Variants in PPP4R4 observed in about 807,000 individuals in gnomAD.
The protein encoded by PPP4R4 is serine/threonine-protein phosphatase 4 regulatory subunit 4.
PPP4R4 carries 70 observed loss-of-function variants against 121.8 expected under a neutral mutation model. The observed-to-expected ratio is 0.57, with a 90% CI of 0.47 to 0.70. PPP4R4 has a LOEUF of 0.70. PPP4R4 is among the 30% of genes least tolerant of loss of function. The probability of loss-of-function intolerance (pLI) is 0.00; values close to 1 mark genes in which losing one functional copy is unlikely to be tolerated. For missense variants in PPP4R4, 875 were observed against 1,033.6 expected (o/e 0.85, Z 2.10); for synonymous variants, 348 against 355.7 (o/e 0.98, Z 0.24).
At chr14:94,265,102 T>C (rs1393542224) in intron 20 of PPP4R4, among the ~76,000 whole-genome samples, 155 bp downstream of exon 20, 11 of 152,204 alleles carry the variant, frequency 7.2e-5, no homozygotes, top group Non-Finnish European at 1.6e-4. Flanking sequence ...GGCCACTTAA[T>C]GTGGTACAGA....
intron 6 of PPP4R4, 96 bp from the exon 7 acceptor site, chr14:94,234,463 GTTA>G (rs1892217248): frequency 2.8e-6 from 2 of 713,806 alleles, no homozygotes; most frequent in Middle Eastern, 2.6e-4. Context: ...AAGTACATTT[GTTA>G]TTATTAAGGT....
At chr14:94,216,163 C>A (rs1013359311) in intron 3 of PPP4R4, among the ~76,000 whole-genome samples, 1 of 152,154 alleles carries the variant, frequency 6.6e-6, no homozygotes, top group Non-Finnish European at 1.5e-5. Flanking sequence ...CAAAGCAATC[C>A]GTTTCACTTC....
rs142423588 is a variant in PPP4R4 at position 94,218,385 on chromosome 14, G to GCA, written c.294+9835_294+9836dup. On this transcript the variant is annotated intron_variant, in intron 3 of 24. Coordinates refer to ENST00000304338, the MANE Select transcript of PPP4R4 (RefSeq NM_058237.2). ...TCACCCCTAGACACCGCACGCGCGT[G>GCA]CACACACACACACACACCTCCTCAC... Among the ~76,000 whole-genome samples the GCA allele has an allele frequency of 2.6e-3, 240 of 92,758 alleles. 3 individuals are homozygous for GCA. In the South Asian group the frequency reaches 0.035, roughly 14 times the overall value. The allele number at this position is 92,758 out of a possible 152,430, so 60.9% of individuals were successfully genotyped here. A position where few individuals can be genotyped will look rare whatever the true frequency, so the allele number is the denominator to read the frequency against.
At position 94,230,846 on chromosome 14, in the gene PPP4R4, T is replaced by C. The variant is rs1891991759; in HGVS notation, c.442+112T>C. 11 of 1,238,092 alleles carry C rather than the reference T, an allele frequency of 8.9e-6. No homozygotes were observed. In the South Asian group the frequency reaches 1.7e-4, roughly 20 times the overall value. The allele number at this position is 1,238,092 out of a possible 1,614,324, so 76.7% of individuals were successfully genotyped here. Reference sequence around the variant, plus strand: ...TGAGGATAACTGAGTAAGGCCATGCTGCCTAGGAGTTGAGCAGTGGAATGA... The same window carrying C: ...TGAGGATAACTGAGTAAGGCCATGCCGCCTAGGAGTTGAGCAGTGGAATGA... On this transcript the variant is annotated intron_variant, in intron 4 of 24. Coordinates refer to ENST00000304338, the MANE Select transcript of PPP4R4 (RefSeq NM_058237.2).
intron 23 of PPP4R4, among the ~76,000 whole-genome samples, chr14:94,269,666 A>C (rs940415636): frequency 6.6e-6 from 1 of 151,974 alleles, no homozygotes; most frequent in African/African-American, 2.4e-5. Context: ...AGAAAAAAAA[A>C]AAACAAAAAC....
rs996878175 is a variant in PPP4R4 at position 94,236,183 on chromosome 14, T to C, written c.732-1382T>C. Among the ~76,000 whole-genome samples, 4 of 152,210 alleles carry C rather than the reference T, an allele frequency of 2.6e-5. No individual in the cohort carries two copies. In the East Asian group the frequency reaches 5.8e-4, roughly 22 times the overall value. On this transcript the variant is annotated intron_variant, in intron 7 of 24. Coordinates refer to ENST00000304338, the MANE Select transcript of PPP4R4 (RefSeq NM_058237.2). ...CAATTAATGAAAGAGTTATCTGTTA[T>C]GATTATTTTCTTTTTTAATGCCCAG...
Position 94,198,260 on chromosome 14 carries a change from T to G in PPP4R4, c.192-10204T>G, listed in dbSNP as rs184128862. 7.2e-4 allele frequency among the ~76,000 whole-genome samples: 110 copies of G among 152,342 alleles called. 1 individual carries two copies. Among genetic ancestry groups the G allele is most frequent in the African/African-American group, 2.5e-3 (104 of 41,590 alleles). ...ATGTGTAGTGATATCTCATTGTGGT[T>G]GTAATGTAATTTTACCTAACGATTA... is the stretch of plus-strand genomic sequence containing the variant. On this transcript the variant is annotated intron_variant, in intron 2 of 24. Transcript: ENST00000304338.
In PPP4R4 at chr14:94,275,508, C is replaced by T. The variant is rs371496802; in HGVS notation, c.2584C>T (p.Arg862Trp). The change falls in exon 24 of 25, where the codon CGG becomes TGG. Residue 862 changes from arginine (R) to tryptophan (W), a missense_variant. Transcript: ENST00000304338. Reference sequence around the variant, plus strand: ...CAGTGGAAGTAAAGATACACAACCACGGAAGGCTACCTTGTAAGTAATCAA... The same window carrying T: ...CAGTGGAAGTAAAGATACACAACCATGGAAGGCTACCTTGTAAGTAATCAA... ...KSSGSKDTQP[R>W]KATLKSRKSN... 36 of 1,613,916 alleles carry T rather than the reference C, an allele frequency of 2.2e-5. No individual in the cohort carries two copies. The highest frequency in any genetic ancestry group is 2.9e-5 in the Non-Finnish European group (34 of 1,179,954).
At chr14:94,243,907 T>C (rs1478486543) in intron 11 of PPP4R4, among the ~76,000 whole-genome samples, 1 of 152,176 alleles carries the variant, frequency 6.6e-6, no homozygotes, top group Non-Finnish European at 1.5e-5. Context: ...TTTGGAAATA[T>C]TTTTGACAAG....
intron 3 of PPP4R4, among the ~76,000 whole-genome samples, chr14:94,224,094 G>T (rs553752573): frequency 2.0e-4 from 30 of 152,272 alleles, no homozygotes; most frequent in African/African-American, 7.0e-4. Context: ...GATAAGGGGA[G>T]ATAGGAAAGC....
chr14:94,249,303 A>G (rs1893058743), intron 14 of PPP4R4, among the ~76,000 whole-genome samples: 2 of 151,888 alleles, frequency 1.3e-5, no homozygotes, highest in Non-Finnish European at 2.9e-5. Context: ...TTTTACATTC[A>G]ACAGATTAAA....
chr14:94,203,819 T>G (rs979839238), intron 2 of PPP4R4, among the ~76,000 whole-genome samples: 3 of 152,320 alleles, frequency 2.0e-5, no homozygotes, highest in African/African-American at 7.2e-5. Flanking sequence ...GTGGGCTTAT[T>G]TGCAATCTGT....
At chr14:94,186,712 G>A (rs1889305731) in intron 2 of PPP4R4, among the ~76,000 whole-genome samples, 1 of 152,130 alleles carries the variant, frequency 6.6e-6, no homozygotes, top group Non-Finnish European at 1.5e-5. Flanking sequence ...ATTTCCACCA[G>A]CAGTATATGA....
chr14:94,264,091 G>C (rs994813845), intron 19 of PPP4R4, among the ~76,000 whole-genome samples: 1 of 152,056 alleles, frequency 6.6e-6, no homozygotes. Flanking sequence ...TCTATTTTGG[G>C]AAAATTCATT....
At chr14:94,201,179 T>C (rs1890159674) in intron 2 of PPP4R4, among the ~76,000 whole-genome samples, 1 of 152,206 alleles carries the variant, frequency 6.6e-6, no homozygotes, top group Non-Finnish European at 1.5e-5. Flanking sequence ...TCCACTGTGG[T>C]CTCAGAGAGT....
chr14:94,266,592 TG>T (rs1234976154), intron 22 of PPP4R4, among the ~76,000 whole-genome samples: 1 of 152,158 alleles, frequency 6.6e-6, no homozygotes, highest in African/African-American at 2.4e-5. Flanking sequence ...GCTGTGTTTT[TG>T]GGCATTATCA....
intron 2 of PPP4R4, among the ~76,000 whole-genome samples, chr14:94,176,406 T>TAC (rs1367792308): frequency 6.6e-6 from 1 of 152,214 alleles, no homozygotes; most frequent in African/African-American, 2.4e-5. Context: ...TTTTCTGGCT[T>TAC]TGGTTTTTCT....
At chr14:94,175,111 AACT>A (rs1888605306) in intron 1 of PPP4R4, among the ~76,000 whole-genome samples, 1 of 146,798 alleles carries the variant, frequency 6.8e-6, no homozygotes, top group Non-Finnish European at 1.5e-5. Flanking sequence ...ACACATTCCC[AACT>A]CCTCCCCCCA....
chr14:94,274,762 A>G (rs986269227), intron 23 of PPP4R4, among the ~76,000 whole-genome samples: 4 of 152,202 alleles, frequency 2.6e-5, no homozygotes, highest in Non-Finnish European at 5.9e-5. Context: ...TATTTAGTCT[A>G]TGACCCAGCA....
Sources: allele counts gnomAD v4.1 joint callset (sites outside exome capture counted in the v4.1 genomes callset), GRCh38; gene constraint gnomAD v4.1.1; transcripts MANE v1.5; gene names NCBI Gene and HGNC (gene_info 2026-07-23, HGNC 2026-07-21).